Variants in CNTNAP2 observed in about 807,000 individuals in gnomAD.
CNTNAP2 encodes contactin associated protein 2.
Under a neutral mutation model 155.2 loss-of-function variants are expected in CNTNAP2, and 98 were observed. The observed-to-expected ratio is 0.63, with a 90% CI of 0.54 to 0.75. The LOEUF (loss-of-function observed/expected upper bound fraction) is 0.75. Ranked by LOEUF, CNTNAP2 falls within the 30% of genes least tolerant of loss-of-function variation. The pLI is 0.00. For missense variants in CNTNAP2, 1,727 were observed against 1,688.1 expected, an observed-to-expected ratio of 1.02 and a Z score of -0.40; for synonymous variants, 651 against 631.2, an observed-to-expected ratio of 1.03 and a Z score of -0.47.
chr7:146,447,581 A>G (rs1454687783), intron 1 of CNTNAP2, among the ~76,000 whole-genome samples: 1 of 152,080 alleles, frequency 6.6e-6, no homozygotes, highest in Non-Finnish European at 1.5e-5. Flanking sequence ...AAAAATATGC[A>G]TTGTTATAAA....
chr7:146,464,016 G>A (rs928651905), intron 1 of CNTNAP2, among the ~76,000 whole-genome samples: 3 of 152,012 alleles, frequency 2.0e-5, no homozygotes, highest in African/African-American at 7.2e-5. Context: ...TATACAATGT[G>A]TTTGATCCTG....
intron 22 of CNTNAP2, among the ~76,000 whole-genome samples, chr7:148,403,933 T>C (rs1799644021): frequency 6.6e-6 from 1 of 152,236 alleles, no homozygotes; most frequent in African/African-American, 2.4e-5. Flanking sequence ...GAGGATTTTC[T>C]ACAAGTTATT....
At chr7:148,247,204 G>A (rs1439296999) in intron 20 of CNTNAP2, among the ~76,000 whole-genome samples, 1 of 151,970 alleles carries the variant, frequency 6.6e-6, no homozygotes, top group East Asian at 1.9e-4. Context: ...ACCAGTCTCT[G>A]CTTATATTAC....
chr7:148,266,121 T>C (rs1021851702), intron 20 of CNTNAP2, among the ~76,000 whole-genome samples: 1 of 152,260 alleles, frequency 6.6e-6, no homozygotes, highest in Non-Finnish European at 1.5e-5. Flanking sequence ...CCCATGGGAA[T>C]GCCCATGTCG....
intron 15 of CNTNAP2, among the ~76,000 whole-genome samples, chr7:148,029,639 G>A (rs1329378695): frequency 1.3e-5 from 2 of 152,164 alleles, no homozygotes; most frequent in African/African-American, 4.8e-5. Flanking sequence ...TATCAGCATA[G>A]CATCCATACT....
chr7:146,386,190 T>C (rs2129105798), intron 1 of CNTNAP2, among the ~76,000 whole-genome samples: 1 of 152,222 alleles, frequency 6.6e-6, no homozygotes, highest in East Asian at 1.9e-4. Flanking sequence ...TATACATGTA[T>C]TTATTTTCTA....
intron 14 of CNTNAP2, among the ~76,000 whole-genome samples, chr7:147,918,929 G>A (rs897842778): frequency 1.3e-5 from 2 of 152,178 alleles, no homozygotes; most frequent in Admixed American, 1.3e-4. Context: ...CTTTGCAGAT[G>A]TAGTTCAAGG....
At chr7:147,936,644 T>G (rs1322892738) in intron 14 of CNTNAP2, among the ~76,000 whole-genome samples, 1 of 152,154 alleles carries the variant, frequency 6.6e-6, no homozygotes, top group African/African-American at 2.4e-5. Flanking sequence ...GTGTTTCTCC[T>G]TTTTCTCCTC....
intron 8 of CNTNAP2, among the ~76,000 whole-genome samples, chr7:147,256,804 T>A (rs1804338613): frequency 6.6e-6 from 1 of 151,972 alleles, no homozygotes; most frequent in Admixed American, 6.6e-5. Flanking sequence ...TCTGCGTAAT[T>A]CAAAGAAAAC....
intron 13 of CNTNAP2, among the ~76,000 whole-genome samples, chr7:147,799,065 T>C (rs1417124060): frequency 1.3e-5 from 2 of 152,158 alleles, no homozygotes; most frequent in African/African-American, 4.8e-5. Flanking sequence ...CCATAACCCA[T>C]GTGCTACACA....
At chr7:147,642,146 G>A (rs535470555) in intron 13 of CNTNAP2, among the ~76,000 whole-genome samples, 50 of 152,086 alleles carry the variant, frequency 3.3e-4, no homozygotes, top group African/African-American at 1.2e-3. Context: ...TTTCATGAGC[G>A]GCTGCTCCTT....
At chr7:146,643,690 C>G (rs1175204331) in intron 1 of CNTNAP2, among the ~76,000 whole-genome samples, 2 of 152,094 alleles carry the variant, frequency 1.3e-5, no homozygotes, top group Non-Finnish European at 2.9e-5. Flanking sequence ...TTTTCCAATT[C>G]TGTGAAGAAA....
chr7:147,841,533 A>G (rs1258733238), intron 13 of CNTNAP2, among the ~76,000 whole-genome samples: 1 of 152,152 alleles, frequency 6.6e-6, no homozygotes, highest in Non-Finnish European at 1.5e-5. Flanking sequence ...CGCAATTTTC[A>G]TAGACTCTGT....
At chr7:147,619,712 G>A (rs531331750) in intron 12 of CNTNAP2, among the ~76,000 whole-genome samples, 2 of 152,278 alleles carry the variant, frequency 1.3e-5, no homozygotes, top group East Asian at 3.9e-4. Context: ...CCTGATTGCT[G>A]GAGGATGGCA....
intron 1 of CNTNAP2, among the ~76,000 whole-genome samples, chr7:146,495,196 T>C (rs575119762): frequency 6.6e-6 from 1 of 152,356 alleles, no homozygotes; most frequent in East Asian, 1.9e-4. Flanking sequence ...CATTTTCTTA[T>C]GTTTGACATG....
chr7:147,317,409 T>G (rs1032308549), intron 9 of CNTNAP2, among the ~76,000 whole-genome samples: 3 of 152,248 alleles, frequency 2.0e-5, no homozygotes, highest in African/African-American at 2.4e-5. Context: ...GTATGGTTCC[T>G]TTCTGTGTTA....
At chr7:146,622,184 C>A (rs13307926) in intron 1 of CNTNAP2, among the ~76,000 whole-genome samples, 1 of 142,366 alleles carries the variant, frequency 7.0e-6, no homozygotes, top group Admixed American at 6.9e-5. Context: ...TATATATACA[C>A]ATATATACAT....
chr7:147,666,017 A>T (rs1016711347), intron 13 of CNTNAP2, among the ~76,000 whole-genome samples: 10 of 152,324 alleles, frequency 6.6e-5, no homozygotes, highest in Admixed American at 3.3e-4. Flanking sequence ...AGCCATTCTC[A>T]TGAGTATGTC....
chr7:146,994,228 T>C (rs1384221354), intron 3 of CNTNAP2, among the ~76,000 whole-genome samples: 2 of 152,176 alleles, frequency 1.3e-5, no homozygotes, highest in African/African-American at 4.8e-5. Context: ...AATTCTTTTC[T>C]AATGCATTTA....
Sources: allele counts gnomAD v4.1 joint callset (sites outside exome capture counted in the v4.1 genomes callset), GRCh38; gene constraint gnomAD v4.1.1; transcripts MANE v1.5; gene names NCBI Gene and HGNC (gene_info 2026-07-23, HGNC 2026-07-21).